The following EIF4G3 variants were observed in gnomAD, a reference collection of about 807,000 sequenced individuals.
The protein encoded by EIF4G3 is eIF-4-gamma 3.
Under a neutral mutation model 186.4 loss-of-function variants are expected in EIF4G3, and 34 were observed. The ratio of observed to expected loss-of-function variants is 0.18; its 90% CI spans 0.14 to 0.24. The LOEUF (loss-of-function observed/expected upper bound fraction) is 0.24. EIF4G3 is among the 10% of genes least tolerant of loss of function. The pLI is 1.00. For missense variants in EIF4G3, 1,536 were observed against 1,948.5 expected (o/e 0.79, Z 3.99); for synonymous variants, 673 against 679.5 (o/e 0.99, Z 0.15).
chr1:21,073,429 G>A (rs769111739), intron 3 of EIF4G3, among the ~76,000 whole-genome samples: 4 of 152,116 alleles, frequency 2.6e-5, no homozygotes, highest in Non-Finnish European at 5.9e-5. Context: ...TGGACAGCAC[G>A]GTTCTGAGCC....
intron 33 of EIF4G3, among the ~76,000 whole-genome samples, chr1:20,818,328 G>C (rs1217805394): frequency 6.6e-6 from 1 of 152,124 alleles, no homozygotes; most frequent in East Asian, 1.9e-4. Flanking sequence ...TTAGCACTTA[G>C]ATACATAGTT....
intron 12 of EIF4G3, among the ~76,000 whole-genome samples, chr1:20,966,597 G>A (rs575037689): frequency 3.5e-4 from 53 of 151,510 alleles, no homozygotes; most frequent in Admixed American, 8.6e-4. Context: ...TCAGCCTCCC[G>A]AGTAGCTGGG....
At chr1:21,042,741 T>G (rs1192169188) in intron 4 of EIF4G3, among the ~76,000 whole-genome samples, 1 of 152,154 alleles carries the variant, frequency 6.6e-6, no homozygotes, top group Non-Finnish European at 1.5e-5. Context: ...TCCCTCAGAG[T>G]TCTGTCTGCT....
chr1:21,079,913 A>G (rs1283559846), intron 3 of EIF4G3, among the ~76,000 whole-genome samples: 3 of 151,598 alleles, frequency 2.0e-5, no homozygotes, highest in African/African-American at 7.3e-5. Flanking sequence ...GCACTTTGGG[A>G]GGCCGAGGCA....
intron 7 of EIF4G3, among the ~76,000 whole-genome samples, chr1:20,997,056 TTAAGA>T (rs1416214905): frequency 1.3e-5 from 2 of 152,156 alleles, no homozygotes; most frequent in Non-Finnish European, 2.9e-5. Flanking sequence ...TTTAAATTAA[TTAAGA>T]TATCTATTTT....
At chr1:21,066,722 A>G (rs892881990) in intron 3 of EIF4G3, among the ~76,000 whole-genome samples, 10 of 152,190 alleles carry the variant, frequency 6.6e-5, no homozygotes, top group African/African-American at 2.4e-4. Context: ...TCATGACAAC[A>G]ACTTCATGGC....
intron 13 of EIF4G3, among the ~76,000 whole-genome samples, chr1:20,947,572 GAGAGCAAGAGAAAGAA>G (rs1379572300): frequency 7.3e-6 from 1 of 136,794 alleles, no homozygotes; most frequent in Non-Finnish European, 1.6e-5. Flanking sequence ...GAAAGAACGA[GAGAGCAAGAGAAAGAA>G]AGAAAGAAAG....
chr1:20,991,919 T>G (rs913770226), intron 7 of EIF4G3, among the ~76,000 whole-genome samples: 11 of 152,216 alleles, frequency 7.2e-5, no homozygotes, highest in Non-Finnish European at 1.5e-4. Flanking sequence ...GATAGGCAGG[T>G]ACTTTATCCT....
chr1:20,847,686 C>T (rs1312090299), intron 29 of EIF4G3: 1 of 416,178 alleles, frequency 2.4e-6, no homozygotes, highest in South Asian at 1.8e-5. Context: ...TATAAGAATA[C>T]CCCTAATTTT....
chr1:20,967,888 G>A (rs1017353326), intron 12 of EIF4G3, among the ~76,000 whole-genome samples: 1 of 152,148 alleles, frequency 6.6e-6, no homozygotes, highest in Non-Finnish European at 1.5e-5. Context: ...AGGCATAAAA[G>A]AGCAAAGAGA....
chr1:20,845,490 G>A (rs979370767), intron 29 of EIF4G3, among the ~76,000 whole-genome samples: 5 of 152,044 alleles, frequency 3.3e-5, no homozygotes, highest in South Asian at 2.1e-4. Flanking sequence ...GTGAAACCCC[G>A]TTTCTACTAA....
chr1:20,908,813 C>T lies in EIF4G3; in HGVS notation c.1664-3842G>A, dbSNP rs537340124. On this transcript the variant is annotated intron_variant, in intron 14 of 36. Coordinates refer to ENST00000602326, the MANE Select transcript of EIF4G3 (RefSeq NM_001391906.1). Reference sequence around the variant, plus strand: ...TAAACTTACCGGTTTTTATAAAACCCACATGTGTTTTTAAAAATAGTTTTC... The same window carrying T: ...TAAACTTACCGGTTTTTATAAAACCTACATGTGTTTTTAAAAATAGTTTTC... 1.5e-3 allele frequency among the ~76,000 whole-genome samples: 227 copies of T among 152,134 alleles called. 1 individual carries two copies. The highest frequency in any genetic ancestry group is 6.8e-3 in the Middle Eastern group (2 of 294).
chr1:20,867,950 T>C lies in EIF4G3; in HGVS notation c.2623-2688A>G, dbSNP rs547386145. On this transcript the variant is annotated intron_variant, in intron 20 of 36. Transcript: ENST00000602326. The stretch of plus-strand genomic sequence containing the variant: ...AAAAATGTATCTCTGAATGAATGAA[T>C]ACCTAGCTATACAGCTCCTTGAAGA... Among the ~76,000 whole-genome samples, 5 of 152,296 alleles carry C rather than the reference T, an allele frequency of 3.3e-5. No individual in the cohort carries two copies. The South Asian group carries it at 1.0e-3, about 32-fold the overall frequency.
chr1:21,019,403 T>C lies in EIF4G3; in HGVS notation c.-66-16595A>G, dbSNP rs549025948. ...CTGTTTAAACAATGAAAACTTGATA[T>C]GGTAGTATATTCCACATGAAACTCA... On this transcript the variant is annotated intron_variant, in intron 4 of 36. Transcript: ENST00000602326. 3.3e-5 allele frequency among the ~76,000 whole-genome samples: 5 copies of C among 152,350 alleles called. No homozygotes were observed. In the South Asian group the frequency reaches 1.0e-3, roughly 32 times the overall value.
At chr1:21,090,971 ACTT>A (rs769884261) in intron 2 of EIF4G3, among the ~76,000 whole-genome samples, 3 of 152,116 alleles carry the variant, frequency 2.0e-5, no homozygotes, top group Non-Finnish European at 4.4e-5. Context: ...TGCTTTCTCT[ACTT>A]CTTATTTCTA....
intron 16 of EIF4G3, among the ~76,000 whole-genome samples, chr1:20,898,893 G>C (rs2089359762): frequency 6.6e-6 from 1 of 152,134 alleles, no homozygotes; most frequent in Admixed American, 6.5e-5. Context: ...ACCACGCCCA[G>C]CTTATTTTGT....
At chr1:20,914,674 T>C (rs763255257) in intron 14 of EIF4G3, among the ~76,000 whole-genome samples, 2 of 152,206 alleles carry the variant, frequency 1.3e-5, no homozygotes, top group Non-Finnish European at 2.9e-5. Context: ...GGGTTTTCAT[T>C]TTCATTCGGT....
At chr1:20,825,402 C>G (rs1051588627) in intron 32 of EIF4G3, among the ~76,000 whole-genome samples, 2 of 26,932 alleles carry the variant, frequency 7.4e-5, no homozygotes, top group Non-Finnish European at 1.4e-4. Context: ...AGCTTTCACC[C>G]AGGAGTATGA....
At chr1:21,023,404 G>T (rs181836339) in intron 4 of EIF4G3, among the ~76,000 whole-genome samples, 1 of 147,196 alleles carries the variant, frequency 6.8e-6, no homozygotes, top group Admixed American at 6.8e-5. Flanking sequence ...GAGTGCCTGC[G>T]ATTGCAGGCA....
Sources: gnomAD v4.1 joint callset for allele counts (sites outside exome capture counted in the v4.1 genomes callset) on GRCh38, gnomAD v4.1.1 for gene constraint, MANE v1.5 for transcripts, NCBI Gene and HGNC (gene_info 2026-07-23, HGNC 2026-07-21) for gene names.